The following RCSD1 variants were observed in gnomAD, a reference collection of about 807,000 sequenced individuals.
The protein encoded by RCSD1 is RCSD domain containing 1, also known as capZ-interacting protein.
In RCSD1, 26 loss-of-function variants were observed where a neutral mutation model predicts 42.5. That is an observed-to-expected ratio of 0.61 (90% CI 0.45 to 0.85). The LOEUF (loss-of-function observed/expected upper bound fraction) is 0.85. RCSD1 is among the 40% of genes least tolerant of loss of function. The pLI is 0.00. For missense variants in RCSD1, 571 were observed against 528.3 expected (o/e 1.08, Z -0.79); for synonymous variants, 220 against 212.2 (o/e 1.04, Z -0.32).
chr1:167,631,268 T>C (rs1657689885), intron 1 of RCSD1, among the ~76,000 whole-genome samples: 1 of 152,224 alleles, frequency 6.6e-6, no homozygotes, highest in Non-Finnish European at 1.5e-5. Context: ...TGTTTCCTCC[T>C]TGAAAATGAG....
chr1:167,699,165 A>C (rs1010218973), intron 6 of RCSD1, among the ~76,000 whole-genome samples: 1 of 152,128 alleles, frequency 6.6e-6, no homozygotes, highest in Non-Finnish European at 1.5e-5. Flanking sequence ...TTCTCTGGAC[A>C]GCAACCAGCA....
intron 4 of RCSD1, among the ~76,000 whole-genome samples, chr1:167,692,596 A>G (rs1659401848): frequency 6.6e-6 from 1 of 151,994 alleles, no homozygotes; most frequent in African/African-American, 2.4e-5. Context: ...CCTGGGCTCA[A>G]GCAATCCTCC....
At chr1:167,681,129 A>C (rs182914054) in intron 1 of RCSD1, among the ~76,000 whole-genome samples, 2 of 152,390 alleles carry the variant, frequency 1.3e-5, no homozygotes, top group East Asian at 3.9e-4. Context: ...TATGCAAATC[A>C]GAGGCTAATA....
intron 1 of RCSD1, among the ~76,000 whole-genome samples, chr1:167,673,926 C>T (rs1276804298): frequency 2.6e-5 from 4 of 152,194 alleles, no homozygotes; most frequent in Non-Finnish European, 4.4e-5. Flanking sequence ...CCCTGATTCA[C>T]CTAAGCAGGT....
Position 167,685,525 on chromosome 1 carries a change from T to C in RCSD1, c.198+15T>C. On this transcript the variant is annotated intron_variant, in intron 3 of 6. Transcript: ENST00000367854. Reference sequence around the variant, plus strand: ...ATGGTGAGGAGGTAAGTGCTGCTGTTGGGGCTCAGAGGATGCTGTGATGGG... The same window carrying C: ...ATGGTGAGGAGGTAAGTGCTGCTGTCGGGGCTCAGAGGATGCTGTGATGGG... The C allele has an allele frequency of 6.2e-7, 1 of 1,608,118 alleles. No homozygotes were observed. The highest frequency in any genetic ancestry group is 8.5e-7 in the Non-Finnish European group (1 of 1,175,108).
At position 167,694,285 on chromosome 1, in the gene RCSD1, C is replaced by G. The variant is rs777698583; in HGVS notation, c.457C>G (p.Leu153Val). ...CGACCAGCCCCCTGAAGGCAGTCAT[C>G]TGCCCTGTTACAACAAGGTAAATTC... ...SFDQPPEGSH[L>V]PCYNKVRTRG... The change falls in exon 5 of 7, where the codon CTG becomes GTG. Residue 153 changes from leucine (L) to valine (V), a missense_variant. Physicochemically the swap from Leu to Val is conservative, Grantham distance 32. Coordinates refer to ENST00000367854, the MANE Select transcript of RCSD1 (RefSeq NM_052862.4). The G allele has an allele frequency of 6.2e-7, 1 of 1,614,116 alleles. No individual in the cohort carries two copies. The highest frequency in any genetic ancestry group is 8.5e-7 in the Non-Finnish European group (1 of 1,179,996).
At chr1:167,646,213 A>G (rs1179865511) in intron 1 of RCSD1, among the ~76,000 whole-genome samples, 1 of 152,022 alleles carries the variant, frequency 6.6e-6, no homozygotes, top group Non-Finnish European at 1.5e-5. Flanking sequence ...TTGACAGGAC[A>G]CCCTGTTGGA....
chr1:167,653,024 A>T (rs540292977), intron 1 of RCSD1, among the ~76,000 whole-genome samples: 62 of 152,380 alleles, frequency 4.1e-4, no homozygotes, highest in South Asian at 1.0e-3. Context: ...GTCTCAAAAC[A>T]GAGTAGAATT....
chr1:167,697,527 G>A lies in RCSD1; in HGVS notation c.903G>A (p.Glu301=), dbSNP rs1433592506. The part of the protein sequence containing the change: ...EAENRCGSPR[E]EKPAGEEAEM... ...AAAATAGGTGTGGGAGCCCCAGGGA[G>A]GAAAAGCCAGCTGGAGAGGAAGCAG... Residue 301 remains glutamate (E), a synonymous_variant, in exon 6 of 7, where the codon GAG becomes GAA. Coordinates refer to ENST00000367854, the MANE Select transcript of RCSD1 (RefSeq NM_052862.4). 8 of 1,606,374 alleles carry A rather than the reference G, an allele frequency of 5.0e-6. No homozygotes were observed. In the South Asian group the frequency reaches 8.9e-5, roughly 18 times the overall value.
At chr1:167,687,267 G>A (rs1659256909) in intron 3 of RCSD1, among the ~76,000 whole-genome samples, 1 of 152,186 alleles carries the variant, frequency 6.6e-6, no homozygotes, top group Admixed American at 6.5e-5. Flanking sequence ...GCTCACGCCT[G>A]TAATCCCAGC....
At chr1:167,694,739 C>G (rs1359672310) in intron 5 of RCSD1, among the ~76,000 whole-genome samples, 1 of 152,212 alleles carries the variant, frequency 6.6e-6, no homozygotes, top group Non-Finnish European at 1.5e-5. Context: ...GTGAATAGCC[C>G]TAAGTGTCCC....
At chr1:167,658,389 A>T (rs1190474097) in intron 1 of RCSD1, among the ~76,000 whole-genome samples, 1 of 151,722 alleles carries the variant, frequency 6.6e-6, no homozygotes, top group Admixed American at 6.6e-5. Context: ...TCACTTTACA[A>T]TTTTTCCTGG....
chr1:167,683,803 T>G, intron 1 of RCSD1, 97 bp from the exon 2 acceptor site: 1 of 1,131,190 alleles, frequency 8.8e-7, no homozygotes, highest in Non-Finnish European at 1.3e-6. Context: ...AATACCTCAC[T>G]GTCACAGCAT....
chr1:167,694,252 G>C lies in RCSD1; in HGVS notation c.424G>C (p.Val142Leu). Residue 142 changes from valine (V) to leucine (L), a missense_variant, in exon 5 of 7, where the codon GTC (valine) becomes CTC (leucine). By Grantham distance (32) the Val-to-Leu change is conservative. Coordinates refer to ENST00000367854, the MANE Select transcript of RCSD1 (RefSeq NM_052862.4). ...GCCCAGCGAGGCAGAGGAGGTGCCT[G>C]TCAGCTTCGACCAGCCCCCTGAAGG... The part of the protein sequence containing the change: ...SRPSEAEEVP[V>L]SFDQPPEGSH... 6.2e-7 allele frequency: 1 copy of C among 1,614,210 alleles called. No individual in the cohort carries two copies. Among genetic ancestry groups the C allele is most frequent in the Non-Finnish European group, 8.5e-7 (1 of 1,180,044 alleles).
chr1:167,681,529 A>G (rs752108343), intron 1 of RCSD1, among the ~76,000 whole-genome samples: 7 of 152,240 alleles, frequency 4.6e-5, no homozygotes, highest in Non-Finnish European at 1.0e-4. Flanking sequence ...AAGTGCTTCC[A>G]GAAGCCTCAG....
At chr1:167,661,475 A>G (rs1383099524) in intron 1 of RCSD1, among the ~76,000 whole-genome samples, 2 of 152,158 alleles carry the variant, frequency 1.3e-5, no homozygotes, top group Non-Finnish European at 2.9e-5. Flanking sequence ...AATGAACACC[A>G]TTTCTGCTCT....
At chr1:167,643,983 T>G (rs991826691) in intron 1 of RCSD1, among the ~76,000 whole-genome samples, 1 of 152,166 alleles carries the variant, frequency 6.6e-6, no homozygotes, top group South Asian at 2.1e-4. Flanking sequence ...TATTGCATCC[T>G]GCCTGCAAAA....
chr1:167,697,710 C>A lies in RCSD1; in HGVS notation c.1086C>A (p.Pro362=). Residue 362 remains proline, a synonymous_variant, in exon 6 of 7, where the codon CCC becomes CCA. Transcript: ENST00000367854. ...PPGGVKGGDV[P]KQEKGKEKQQ... ...GAGGAGTGAAGGGCGGAGATGTCCC[C>A]AAGCAGGAAAAAGGCAAGGAAAAAC... is the stretch of plus-strand genomic sequence containing the variant. The A allele has an allele frequency of 6.3e-7, 1 of 1,595,314 alleles. No homozygotes were observed. The highest frequency in any genetic ancestry group is 8.5e-7 in the Non-Finnish European group (1 of 1,172,260).
chr1:167,690,663 G>T (rs1659354487), intron 4 of RCSD1, among the ~76,000 whole-genome samples: 1 of 151,986 alleles, frequency 6.6e-6, no homozygotes, highest in South Asian at 2.1e-4. Flanking sequence ...AACAGAGCAA[G>T]CTCCTGTCTT....
Sources: gnomAD v4.1 joint callset for allele counts (sites outside exome capture counted in the v4.1 genomes callset) on GRCh38, gnomAD v4.1.1 for gene constraint, MANE v1.5 for transcripts, NCBI Gene and HGNC (gene_info 2026-07-23, HGNC 2026-07-21) for gene names.